Variants in FRMD4A observed in about 807,000 individuals in gnomAD.
FRMD4A encodes FERM domain containing 4A.
In FRMD4A, 29 loss-of-function variants were observed where a neutral mutation model predicts 129.1. The ratio of observed to expected loss-of-function variants is 0.22; its 90% CI spans 0.17 to 0.31. The LOEUF is 0.31. Ranked by LOEUF, FRMD4A falls within the 10% of genes least tolerant of loss-of-function variation. FRMD4A has a pLI of 1.00. For missense variants in FRMD4A, 1,272 were observed against 1,375.8 expected (o/e 0.92, Z 1.19); for synonymous variants, 634 against 571.6 (o/e 1.11, Z -1.56).
At chr10:14,173,785 T>C (rs1194512950) in intron 2 of FRMD4A, among the ~76,000 whole-genome samples, 3 of 152,062 alleles carry the variant, frequency 2.0e-5, no homozygotes, top group Non-Finnish European at 4.4e-5. Context: ...ACTCATTTAC[T>C]GAGGTTCCCA....
At chr10:13,968,271 C>T (rs1002837256) in intron 2 of FRMD4A, among the ~76,000 whole-genome samples, 10 of 152,256 alleles carry the variant, frequency 6.6e-5, no homozygotes, top group South Asian at 6.2e-4. Flanking sequence ...CATCAGCCAT[C>T]GCCTTAGCCA....
At chr10:13,654,580 A>C in intron 22 of FRMD4A, 68 bp from the exon 23 acceptor site, 2 of 1,001,048 alleles carry the variant, frequency 2.0e-6, no homozygotes, top group Non-Finnish European at 3.1e-6. Context: ...AGAGCTTGCG[A>C]CTTGTTGGCT....
At chr10:14,243,598 G>A (rs527558336) in intron 2 of FRMD4A, among the ~76,000 whole-genome samples, 7 of 152,168 alleles carry the variant, frequency 4.6e-5, no homozygotes, top group African/African-American at 1.7e-4. Context: ...CCTAGAATAC[G>A]GTGGTCAAGT....
intron 2 of FRMD4A, among the ~76,000 whole-genome samples, chr10:14,218,829 C>T (rs1394808789): frequency 1.3e-5 from 2 of 151,682 alleles, no homozygotes; most frequent in Non-Finnish European, 2.9e-5. Flanking sequence ...GTGGTGGGCA[C>T]CTGTAATCCC....
chr10:13,783,139 C>T (rs2092776478), intron 5 of FRMD4A, 133 bp from the exon 6 acceptor site: 1 of 629,044 alleles, frequency 1.6e-6, no homozygotes, highest in Admixed American at 2.7e-5. Context: ...AGGCACCATC[C>T]ATGGTTTTTC....
rs746355154 is a variant in FRMD4A, at chr10:13,740,267, G to A, written c.615-16C>T. 16 of 1,578,530 alleles carry A rather than the reference G, an allele frequency of 1.0e-5. No individual in the cohort carries two copies. The highest frequency in any genetic ancestry group is 1.3e-5 in the Non-Finnish European group (15 of 1,147,774). Reference sequence around the variant, plus strand: ...GCTCATGTAGCTGGAATGACAACACGAAGATACACAAACACACACACAATG... The same window carrying A: ...GCTCATGTAGCTGGAATGACAACACAAAGATACACAAACACACACACAATG... On this transcript the variant is annotated splice_polypyrimidine_tract_variant and intron_variant, in intron 10 of 24. Transcript: ENST00000357447.
intron 2 of FRMD4A, among the ~76,000 whole-genome samples, chr10:14,220,812 T>TTTGTG (rs1318640915): frequency 4.4e-5 from 2 of 45,356 alleles, no homozygotes; most frequent in African/African-American, 8.6e-5. Context: ...GTGTGTGTGT[T>TTTGTG]TGTGTGTGTG....
intron 14 of FRMD4A, among the ~76,000 whole-genome samples, chr10:13,699,224 G>GTTTTTTTTTTTTTT (rs1168489802): frequency 7.2e-4 from 55 of 76,254 alleles, no homozygotes; most frequent in African/African-American, 1.2e-3. Context: ...CTTGGTTATT[G>GTTTTTTTTTTTTTT]TTTTTTTTTT....
intron 3 of FRMD4A, among the ~76,000 whole-genome samples, chr10:13,817,738 G>C (rs1042916673): frequency 2.0e-5 from 3 of 152,208 alleles, no homozygotes; most frequent in African/African-American, 7.2e-5. Context: ...GGAACTGTGA[G>C]TTCACTAAAC....
intron 2 of FRMD4A, among the ~76,000 whole-genome samples, chr10:13,973,497 A>G (rs1214950949): frequency 6.6e-6 from 1 of 152,140 alleles, no homozygotes; most frequent in Non-Finnish European, 1.5e-5. Context: ...ATTTTAATGT[A>G]AACTCTTTTT....
intron 15 of FRMD4A, among the ~76,000 whole-genome samples, chr10:13,679,754 C>T (rs577140095): frequency 5.3e-5 from 8 of 152,122 alleles, no homozygotes; most frequent in East Asian, 3.9e-4. Context: ...GGCAAGGGCT[C>T]GGAGCTTTCA....
intron 2 of FRMD4A, among the ~76,000 whole-genome samples, chr10:13,926,251 C>T (rs1329744926): frequency 2.6e-5 from 4 of 152,158 alleles, no homozygotes; most frequent in Non-Finnish European, 4.4e-5. Flanking sequence ...AACACAGATT[C>T]CTAGAAGAAT....
chr10:14,042,729 G>A (rs1424913433), intron 2 of FRMD4A, among the ~76,000 whole-genome samples: 1 of 151,746 alleles, frequency 6.6e-6, no homozygotes, highest in Non-Finnish European at 1.5e-5. Flanking sequence ...TTGGGAGGTC[G>A]AGATGGGTGG....
chr10:14,062,263 TA>T (rs754587995), intron 2 of FRMD4A, among the ~76,000 whole-genome samples: 7 of 152,174 alleles, frequency 4.6e-5, no homozygotes, highest in East Asian at 1.9e-4. Context: ...GTCTATCGTT[TA>T]GGGGGAAAAA....
At chr10:14,319,367 T>TCTCTCTCTCTCTCTCTCTCTCTCA (rs112041665) in intron 2 of FRMD4A, among the ~76,000 whole-genome samples, 166 of 145,136 alleles carry the variant, frequency 1.1e-3, no homozygotes, top group Middle Eastern at 6.9e-3. Context: ...TCTCTCTCTC[T>TCTCTCTCTCTCTCTCTCTCTCTCA]CACACACACA....
intron 2 of FRMD4A, among the ~76,000 whole-genome samples, chr10:14,288,715 G>A (rs973104191): frequency 1.3e-5 from 2 of 151,928 alleles, no homozygotes; most frequent in African/African-American, 4.8e-5. Context: ...GTGTTATACA[G>A]CATATCTCTA....
intron 2 of FRMD4A, among the ~76,000 whole-genome samples, chr10:14,249,745 A>C (rs922644449): frequency 1.3e-5 from 2 of 152,248 alleles, no homozygotes; most frequent in Non-Finnish European, 2.9e-5. Flanking sequence ...CGTTCCCGAT[A>C]AGGGATGCAT....
intron 2 of FRMD4A, among the ~76,000 whole-genome samples, chr10:13,867,604 ATAT>A (rs1564939338): frequency 3.2e-5 from 2 of 61,856 alleles, no homozygotes; most frequent in Non-Finnish European, 6.1e-5. Flanking sequence ...TATATATTAT[ATAT>A]TATTATAATG....
rs796340781 is a variant in FRMD4A, at chr10:13,715,054, A to T, written c.760-7941T>A. Among the ~76,000 whole-genome samples, 8 of 24,784 alleles carry T rather than the reference A, an allele frequency of 3.2e-4. No individual in the cohort carries two copies. In the South Asian group the frequency reaches 0.01, roughly 31 times the overall value. The allele number at this position is 24,784 out of a possible 152,430, so 16.3% of individuals were successfully genotyped here. ...ACTCCGTCTCAAAAATAAAAAATTA[A>T]AAAAAAAAATTAGAAGTGCCGCGCT... On this transcript the variant is annotated intron_variant, in intron 12 of 24. Transcript: ENST00000357447.
Sources: allele counts gnomAD v4.1 joint callset (sites outside exome capture counted in the v4.1 genomes callset), GRCh38; gene constraint gnomAD v4.1.1; transcripts MANE v1.5; gene names NCBI Gene and HGNC (gene_info 2026-07-23, HGNC 2026-07-21).